Variants in ZFHX3 observed in about 807,000 individuals in gnomAD.
The protein encoded by ZFHX3 is zinc finger homeobox protein 3.
In ZFHX3, 42 loss-of-function variants were observed where a neutral mutation model predicts 279.1. The ratio of observed to expected loss-of-function variants is 0.15; its 90% CI spans 0.12 to 0.19. The LOEUF (loss-of-function observed/expected upper bound fraction) is 0.19. Among genes scored for constraint, ZFHX3 ranks in the 10% least tolerant of loss-of-function variants. The pLI, the probability that ZFHX3 is intolerant of heterozygous loss-of-function variation, is 1.00. For missense variants in ZFHX3, 4,981 were observed against 4,754.0 expected (o/e 1.05, Z -1.40); for synonymous variants, 2,293 against 1,957.8 (o/e 1.17, Z -4.52).
intron 4 of ZFHX3, among the ~76,000 whole-genome samples, chr16:73,300,206 G>A (rs538462406): frequency 6.7e-6 from 1 of 149,208 alleles, no homozygotes; most frequent in South Asian, 2.2e-4. Flanking sequence ...TAAGGCTGTG[G>A]TCACCTAGAA....
At chr16:73,630,776 CA>C (rs1567537518) in intron 2 of ZFHX3, among the ~76,000 whole-genome samples, 1 of 152,154 alleles carries the variant, frequency 6.6e-6, no homozygotes, top group African/African-American at 2.4e-5. Flanking sequence ...TGGTGGTGCT[CA>C]ACTTGTAATT....
chr16:73,410,198 C>T (rs2017438608), intron 3 of ZFHX3, among the ~76,000 whole-genome samples: 1 of 152,208 alleles, frequency 6.6e-6, no homozygotes, highest in African/African-American at 2.4e-5. Context: ...GGTGGATCAC[C>T]TGAGGTCAGG....
intron 1 of ZFHX3, among the ~76,000 whole-genome samples, chr16:73,851,811 T>C (rs1021926090): frequency 2.0e-5 from 3 of 152,150 alleles, no homozygotes; most frequent in African/African-American, 7.2e-5. Context: ...GATCAACAGA[T>C]TTGTGTGTGT....
At chr16:73,766,479 C>T (rs2142287845) in intron 1 of ZFHX3, among the ~76,000 whole-genome samples, 1 of 152,278 alleles carries the variant, frequency 6.6e-6, no homozygotes, top group South Asian at 2.1e-4. Flanking sequence ...ACATCCATAG[C>T]CCATTTCTGC....
Position 72,950,535 on chromosome 16 carries a change from G to T in ZFHX3, c.3150C>A (p.Asn1050Lys). The change falls in exon 3 of 10, where the codon AAC (asparagine) becomes AAA (lysine). Residue 1050 changes from asparagine (N) to lysine (K), a missense_variant. Physicochemically the swap from Asn to Lys is moderately conservative, Grantham distance 94. Coordinates refer to ENST00000268489, the MANE Select transcript of ZFHX3 (RefSeq NM_006885.4). ...LKCNACDYYT[N>K]SLEKLRLHTV... ...TGTGCAGCCGCAGCTTCTCCAGGCT[G>T]TTGGTGTAGTAGTCACAGGCGTTGC... 1 of 1,614,270 alleles carries T rather than the reference G, an allele frequency of 6.2e-7. No homozygotes were observed. Among genetic ancestry groups the T allele is most frequent in the Non-Finnish European group, 8.5e-7 (1 of 1,180,048 alleles).
chr16:73,573,691 T>A (rs1026731363), intron 2 of ZFHX3, among the ~76,000 whole-genome samples: 1 of 152,246 alleles, frequency 6.6e-6, no homozygotes, highest in Non-Finnish European at 1.5e-5. Flanking sequence ...AGATGCTGTA[T>A]ATAACTATGA....
At chr16:73,568,804 G>T (rs754399648) in intron 2 of ZFHX3, among the ~76,000 whole-genome samples, 2 of 152,020 alleles carry the variant, frequency 1.3e-5, no homozygotes, top group Non-Finnish European at 2.9e-5. Context: ...TCTATCAAAG[G>T]AATCTCAAAA....
At chr16:73,469,227 G>C (rs928656857) in intron 2 of ZFHX3, among the ~76,000 whole-genome samples, 2 of 152,114 alleles carry the variant, frequency 1.3e-5, no homozygotes, top group Non-Finnish European at 2.9e-5. Context: ...ATCTCACCTG[G>C]AGGGGAGAAC....
intron 2 of ZFHX3, among the ~76,000 whole-genome samples, chr16:73,619,590 A>G (rs1178502120): frequency 1.3e-5 from 2 of 151,410 alleles, no homozygotes; most frequent in Non-Finnish European, 2.9e-5. Context: ...TGTTCTTTTA[A>G]TGTCTCATGA....
At chr16:73,497,609 G>A (rs1488796595) in intron 2 of ZFHX3, among the ~76,000 whole-genome samples, 1 of 152,160 alleles carries the variant, frequency 6.6e-6, no homozygotes, top group East Asian at 1.9e-4. Context: ...GGTCGAGACT[G>A]TAGTGGACAA....
At chr16:73,465,329 G>A (rs746580456) in intron 2 of ZFHX3, among the ~76,000 whole-genome samples, 29 of 152,236 alleles carry the variant, frequency 1.9e-4, no homozygotes, top group Non-Finnish European at 3.8e-4. Flanking sequence ...TTCAGGGCGT[G>A]TATTTTCCTT....
At chr16:73,679,942 G>C (rs1036323699) in intron 2 of ZFHX3, 1 of 152,172 alleles carries the variant, frequency 6.6e-6, no homozygotes, top group Non-Finnish European at 1.5e-5. Flanking sequence ...TCAATGTGCA[G>C]AGGATATCAG....
intron 2 of ZFHX3, among the ~76,000 whole-genome samples, chr16:72,956,026 T>A (rs1349641979): frequency 6.6e-6 from 1 of 152,238 alleles, no homozygotes; most frequent in Non-Finnish European, 1.5e-5. Context: ...ATTAGCCAGT[T>A]GGTTTCAAAT....
chr16:72,892,402 A>G (rs2038794230), intron 3 of ZFHX3, among the ~76,000 whole-genome samples: 1 of 152,244 alleles, frequency 6.6e-6, no homozygotes, highest in South Asian at 2.1e-4. Flanking sequence ...AAGTATTGGA[A>G]GAACCAGTGA....
chr16:73,606,486 CAAA>C (rs57861119), intron 2 of ZFHX3, among the ~76,000 whole-genome samples: 21 of 133,768 alleles, frequency 1.6e-4, no homozygotes, highest in Non-Finnish European at 1.8e-4. Flanking sequence ...GACTTTGTCT[CAAA>C]AAAAAAAAAA....
chr16:73,443,915 C>A (rs1283630250), intron 3 of ZFHX3, among the ~76,000 whole-genome samples: 1 of 151,900 alleles, frequency 6.6e-6, no homozygotes, highest in East Asian at 1.9e-4. Flanking sequence ...CCACCATGCC[C>A]AGCTAATTTT....
At chr16:73,585,721 ATGAC>A (rs2051919117) in intron 2 of ZFHX3, among the ~76,000 whole-genome samples, 2 of 152,358 alleles carry the variant, frequency 1.3e-5, no homozygotes, top group South Asian at 4.1e-4. Context: ...TTGATATGTA[ATGAC>A]TTGTGGGATT....
intron 3 of ZFHX3, among the ~76,000 whole-genome samples, chr16:73,399,909 G>A (rs1445212808): frequency 6.6e-6 from 1 of 151,806 alleles, no homozygotes; most frequent in Non-Finnish European, 1.5e-5. Context: ...GCTTAAGAAT[G>A]AAATGGAGTT....
chr16:73,575,412 T>C (rs1307990470), intron 2 of ZFHX3, among the ~76,000 whole-genome samples: 1 of 152,198 alleles, frequency 6.6e-6, no homozygotes, highest in Admixed American at 6.5e-5. Context: ...GTATGTTGAT[T>C]GGTTTTGATT....
Sources: gnomAD v4.1 joint callset for allele counts (sites outside exome capture counted in the v4.1 genomes callset) on GRCh38, gnomAD v4.1.1 for gene constraint, MANE v1.5 for transcripts, NCBI Gene and HGNC (gene_info 2026-07-23, HGNC 2026-07-21) for gene names.